Variants in USP34 observed in about 807,000 individuals in gnomAD.
USP34 encodes ubiquitin specific peptidase 34.
A neutral mutation model predicts 460.3 loss-of-function variants in USP34; 70 were observed. The observed-to-expected ratio is 0.15, with a 90% CI of 0.13 to 0.19. USP34 has a LOEUF of 0.19. Ranked by LOEUF, USP34 falls within the 10% of genes least tolerant of loss-of-function variation. The pLI is 1.00. For synonymous variants in USP34, 1,647 were observed against 1,405.3 expected (o/e 1.17, Z -3.85); for missense variants, 3,985 against 4,236.2 (o/e 0.94, Z 1.65).
At chr2:61,467,215 A>G (rs1695796872) in intron 1 of USP34, among the ~76,000 whole-genome samples, 1 of 151,918 alleles carries the variant, frequency 6.6e-6, no homozygotes, top group African/African-American at 2.4e-5. Flanking sequence ...AGGCAGGAGA[A>G]TTGCTGAACC....
At chr2:61,275,916 T>TA (rs919267343) in intron 41 of USP34, among the ~76,000 whole-genome samples, 32 of 151,804 alleles carry the variant, frequency 2.1e-4, no homozygotes, top group African/African-American at 6.8e-4. Flanking sequence ...AGAAGAGAAG[T>TA]AAAAAAATAG....
chr2:61,451,560 C>T (rs1695277283), intron 1 of USP34, among the ~76,000 whole-genome samples: 1 of 151,764 alleles, frequency 6.6e-6, no homozygotes, highest in African/African-American at 2.4e-5. Context: ...CACATGCCTG[C>T]AATCCCAGCT....
rs973916260 is a variant in USP34, at chr2:61,369,600, G to A, written c.1251+721C>T. Among the ~76,000 whole-genome samples, 57 of 132,100 alleles carry A rather than the reference G, an allele frequency of 4.3e-4. 1 individual carries two copies. Among genetic ancestry groups the A allele is most frequent in the African/African-American group, 1.6e-3 (55 of 34,316 alleles). The allele number at this position is 132,100 out of a possible 152,430, so 86.7% of individuals were successfully genotyped here. A position where few individuals can be genotyped will look rare whatever the true frequency, so the allele number is the denominator to read the frequency against. ...GGAGGTTGCAGTAAGCCAAGACTGC[G>A]CCATGGCATTCCAGCCTGGGCTACA... On this transcript the variant is annotated intron_variant, in intron 10 of 79. Coordinates refer to ENST00000398571, the MANE Select transcript of USP34 (RefSeq NM_014709.4).
At chr2:61,189,170 C>T (rs1686542838) in intron 78 of USP34, 101 bp from the exon 79 acceptor site, 21 of 1,297,568 alleles carry the variant, frequency 1.6e-5, no homozygotes, top group Non-Finnish European at 2.2e-5. Context: ...GGAATCCATT[C>T]TTTCCTAAGA....
chr2:61,210,275 C>G (rs1308779538), intron 69 of USP34, among the ~76,000 whole-genome samples: 1 of 152,188 alleles, frequency 6.6e-6, no homozygotes, highest in Non-Finnish European at 1.5e-5. Flanking sequence ...ATGGTAAGTG[C>G]CCTACACAAG....
chr2:61,393,859 C>T (rs538810886), intron 5 of USP34, among the ~76,000 whole-genome samples: 1 of 151,994 alleles, frequency 6.6e-6, no homozygotes, highest in Non-Finnish European at 1.5e-5. Context: ...CTTTCCGGGC[C>T]GGGCACAGTC....
In USP34 at chr2:61,435,887, G is replaced by A. The variant is rs548423255; in HGVS notation, c.44-15054C>T. 1.6e-4 allele frequency among the ~76,000 whole-genome samples: 24 copies of A among 152,136 alleles called. No individual in the cohort carries two copies. The South Asian group carries it at 4.8e-3, about 30-fold the overall frequency. ...CTACTAAAATACAAAAATGAGCCGG[G>A]CATGGTGGAGTGCGCCTGTAATCCC... On this transcript the variant is annotated intron_variant, in intron 1 of 79. Coordinates refer to ENST00000398571, the MANE Select transcript of USP34 (RefSeq NM_014709.4).
At chr2:61,233,853 A>AG (rs1048073818) in intron 57 of USP34, among the ~76,000 whole-genome samples, 18 of 152,080 alleles carry the variant, frequency 1.2e-4, no homozygotes. Flanking sequence ...TAAAAAAAAA[A>AG]AAAAAAGTTA....
Position 61,470,669 on chromosome 2 carries a change from C to T in USP34, c.24G>A (p.Leu8=), listed in dbSNP as rs1387051099. Residue 8 remains leucine (L), a synonymous_variant, in exon 1 of 80, where the codon CTG becomes CTA. Transcript: ENST00000398571. ...ACTTACTTTCATTTAACACCTCCAC[C>T]AGGTCTGCGCAGTTCTCGCACATCG... MCENCAD[L]VEVLNEISDV... is the part of the protein sequence containing the mutation. The T allele has an allele frequency of 1.3e-6, 2 of 1,595,554 alleles. No homozygotes were observed. Among genetic ancestry groups the T allele is most frequent in the East Asian group, 4.7e-5 (2 of 42,448 alleles).
intron 34 of USP34, among the ~76,000 whole-genome samples, chr2:61,286,719 G>T (rs9967730): frequency 0.16 from 24,538 of 152,030 alleles, 2,501 homozygotes; most frequent in African/African-American, 0.28. Flanking sequence ...AACACGAAAA[G>T]ATATTAAGAG....
intron 1 of USP34, among the ~76,000 whole-genome samples, chr2:61,440,477 C>T (rs1694932139): frequency 6.6e-6 from 1 of 151,818 alleles, no homozygotes; most frequent in Non-Finnish European, 1.5e-5. Context: ...CTCTTCATGC[C>T]TTTTCCCCTC....
chr2:61,310,384 T>C (rs1690548887), intron 27 of USP34, among the ~76,000 whole-genome samples: 1 of 152,092 alleles, frequency 6.6e-6, no homozygotes, highest in South Asian at 2.1e-4. Context: ...AAGTTATTAC[T>C]ATATAGTGAA....
At chr2:61,410,102 G>C (rs373166954) in intron 2 of USP34, among the ~76,000 whole-genome samples, 1 of 152,038 alleles carries the variant, frequency 6.6e-6, no homozygotes, top group Non-Finnish European at 1.5e-5. Context: ...AGGACCCAGA[G>C]GACTTTGGGA....
At chr2:61,448,260 G>C (rs547509892) in intron 1 of USP34, among the ~76,000 whole-genome samples, 6 of 152,316 alleles carry the variant, frequency 3.9e-5, no homozygotes, top group African/African-American at 1.4e-4. Flanking sequence ...GACTGCTTCA[G>C]GCCAGGAGTT....
intron 3 of USP34, among the ~76,000 whole-genome samples, chr2:61,399,268 G>T (rs1031171335): frequency 6.6e-6 from 1 of 151,510 alleles, no homozygotes; most frequent in Non-Finnish European, 1.5e-5. Context: ...CTTGAATCCC[G>T]GAAGGCGAAG....
chr2:61,249,026 G>A (rs769155891), intron 48 of USP34, among the ~76,000 whole-genome samples: 3 of 152,026 alleles, frequency 2.0e-5, no homozygotes, highest in Non-Finnish European at 4.4e-5. Context: ...CTCATCGTAT[G>A]TTTTCTTTCC....
chr2:61,376,539 A>C (rs1014725430), intron 8 of USP34, among the ~76,000 whole-genome samples: 2 of 152,218 alleles, frequency 1.3e-5, no homozygotes, highest in African/African-American at 2.4e-5. Context: ...AGGAGTATGA[A>C]TATCACATTA....
chr2:61,283,568 GGTGT>G (rs1689598374), intron 35 of USP34, 119 bp from the exon 36 acceptor site: 1 of 1,022,948 alleles, frequency 9.8e-7, no homozygotes, highest in Admixed American at 2.6e-5. Context: ...GAAAGCAGTG[GGTGT>G]GTGAGTGAGA....
At chr2:61,346,813 C>G (rs957742890) in intron 15 of USP34, among the ~76,000 whole-genome samples, 2 of 111,226 alleles carry the variant, frequency 1.8e-5, no homozygotes, top group Non-Finnish European at 1.7e-5. Context: ...GCCTGGGTGA[C>G]AGAGTGAGAT....
Sources: allele counts gnomAD v4.1 joint callset (sites outside exome capture counted in the v4.1 genomes callset), GRCh38; gene constraint gnomAD v4.1.1; transcripts MANE v1.5; gene names NCBI Gene and HGNC (gene_info 2026-07-23, HGNC 2026-07-21).